Variants in GATB observed in about 807,000 individuals in gnomAD.
GATB encodes glutamyl-tRNA amidotransferase subunit B.
GATB carries 39 observed loss-of-function variants against 62.3 expected under a neutral mutation model. The ratio of observed to expected loss-of-function variants is 0.63; its 90% CI spans 0.48 to 0.82. GATB has a LOEUF of 0.82. Ranked by LOEUF, GATB falls within the 40% of genes least tolerant of loss-of-function variation. The pLI is 0.00. For missense variants in GATB, 670 were observed against 684.0 expected, an observed-to-expected ratio of 0.98 and a Z score of 0.23; for synonymous variants, 276 against 258.9, an observed-to-expected ratio of 1.07 and a Z score of -0.63.
At chr4:151,716,309 A>G in intron 4 of GATB, 178 bp from the exon 5 acceptor site, 2 of 614,756 alleles carry the variant, frequency 3.3e-6, no homozygotes, top group Non-Finnish European at 5.1e-6. Context: ...AAGAGGCGTC[A>G]TCTTGCTCTG....
chr4:151,698,081 C>G (rs963642778), intron 9 of GATB, among the ~76,000 whole-genome samples: 1 of 150,196 alleles, frequency 6.7e-6, no homozygotes, highest in Admixed American at 6.6e-5. Flanking sequence ...CCCCATGATT[C>G]TCTGGGTTGT....
At chr4:151,705,714 A>G (rs1738702197) in intron 6 of GATB, among the ~76,000 whole-genome samples, 1 of 152,192 alleles carries the variant, frequency 6.6e-6, no homozygotes, top group Admixed American at 6.5e-5. Flanking sequence ...CAGCATTTAC[A>G]TTATCTTTTC....
intron 2 of GATB, among the ~76,000 whole-genome samples, chr4:151,739,506 A>G (rs1182240674): frequency 6.6e-6 from 1 of 152,170 alleles, no homozygotes; most frequent in Non-Finnish European, 1.5e-5. Flanking sequence ...TCTCCCCACA[A>G]TGTTACATGT....
At chr4:151,738,370 C>T (rs540622468) in intron 2 of GATB, among the ~76,000 whole-genome samples, 19 of 152,294 alleles carry the variant, frequency 1.2e-4, no homozygotes, top group African/African-American at 4.3e-4. Flanking sequence ...GTAAGTCTCA[C>T]GAGATCTGAT....
At chr4:151,697,156 T>A (rs1738485645) in intron 9 of GATB, among the ~76,000 whole-genome samples, 1 of 152,086 alleles carries the variant, frequency 6.6e-6, no homozygotes, top group African/African-American at 2.4e-5. Context: ...AAATAAATCA[T>A]CATTTAAAAA....
At chr4:151,679,998 A>T in intron 10 of GATB, 107 bp from the exon 11 acceptor site, 1 of 879,492 alleles carries the variant, frequency 1.1e-6, no homozygotes, top group South Asian at 1.4e-5. Context: ...TAAATATCGG[A>T]CCCACGCCTA....
At chr4:151,705,127 C>A (rs1433598783) in intron 7 of GATB, 58 bp downstream of exon 7, 1 of 1,210,624 alleles carries the variant, frequency 8.3e-7, no homozygotes, top group African/African-American at 1.5e-5. Context: ...AGTGGCTGAG[C>A]CCAGCCCTCT....
rs1185814817 is a variant in GATB, at chr4:151,730,869, T to C, written c.328-11331A>G. Among the ~76,000 whole-genome samples the C allele has an allele frequency of 1.3e-5, 2 of 152,156 alleles. No homozygotes were observed. Among genetic ancestry groups the C allele is most frequent in the Non-Finnish European group, 2.9e-5 (2 of 68,036 alleles). On this transcript the variant is annotated intron_variant, in intron 2 of 12. Transcript: ENST00000263985. The surrounding 1 kb of genome is among the most constrained non-coding windows in gnomAD (Gnocchi z 4.1). ...CTGGTAATATGACAAAACAAGGCTT[T>C]TCAACACTCCCCCAAAATCACACTA...
chr4:151,681,138 A>T (rs1208004569), intron 10 of GATB, among the ~76,000 whole-genome samples: 3 of 152,244 alleles, frequency 2.0e-5, no homozygotes, highest in African/African-American at 2.4e-5. Context: ...AAAGGAAACT[A>T]CAGCTTAGTC....
At chr4:151,703,802 C>A (rs569053952) in intron 8 of GATB, 49 bp downstream of exon 8, 1 of 1,251,186 alleles carries the variant, frequency 8.0e-7, no homozygotes, top group Non-Finnish European at 1.2e-6. Context: ...ACTTGAAATA[C>A]GCCCCAGCCC....
intron 5 of GATB, among the ~76,000 whole-genome samples, chr4:151,712,005 T>C (rs369341701): frequency 1.3e-5 from 2 of 152,170 alleles, no homozygotes; most frequent in African/African-American, 2.4e-5. Flanking sequence ...TCGAACCAAA[T>C]TGCAATACTT....
At chr4:151,760,770 C>A in intron 1 of GATB, 37 bp downstream of exon 1, 1 of 1,518,826 alleles carries the variant, frequency 6.6e-7, no homozygotes, top group Non-Finnish European at 8.9e-7. Context: ...AGTTCCACCT[C>A]ACAGTTAGGT....
intron 2 of GATB, among the ~76,000 whole-genome samples, chr4:151,755,102 A>G (rs1739801292): frequency 6.6e-6 from 1 of 152,198 alleles, no homozygotes; most frequent in Non-Finnish European, 1.5e-5. Flanking sequence ...TTATCTGTTA[A>G]TTAATAAGAG....
In GATB at chr4:151,679,872, G is replaced by T. The variant is rs375643617; in HGVS notation, c.1351C>A (p.Leu451Ile). 5 of 1,614,132 alleles carry T rather than the reference G, an allele frequency of 3.1e-6. No individual in the cohort carries two copies. In the East Asian group the frequency reaches 1.1e-4, roughly 36 times the overall value. ...VSESPVTPSALAELLDLLDSR... is the reference protein window; with the variant it reads ...VSESPVTPSAIAELLDLLDSR... ...TCCAGCAGGTCAAGAAGCTCAGCGA[G>T]TGCAGAGGGTGTGACAGGACTGGTG... Residue 451 changes from leucine (L) to isoleucine (I), a missense_variant, in exon 11 of 13, where the codon CTC (leucine) becomes ATC (isoleucine). Coordinates refer to ENST00000263985, the MANE Select transcript of GATB (RefSeq NM_004564.3).
At chr4:151,732,714 T>TAAA (rs371222321) in intron 2 of GATB, among the ~76,000 whole-genome samples, 3 of 66,356 alleles carry the variant, frequency 4.5e-5, no homozygotes, top group Non-Finnish European at 3.3e-5. Context: ...GAATGATCAA[T>TAAA]AAAAAAAAAA....
chr4:151,747,971 T>G (rs991948160), intron 2 of GATB, among the ~76,000 whole-genome samples: 1 of 152,100 alleles, frequency 6.6e-6, no homozygotes, highest in Non-Finnish European at 1.5e-5. Flanking sequence ...GTGAAGGACC[T>G]CTTCAAGGAG....
chr4:151,678,000 A>G (rs1738044395), intron 11 of GATB: 1 of 152,186 alleles, frequency 6.6e-6, no homozygotes, highest in Admixed American at 6.5e-5. Context: ...AAGGTGGTAG[A>G]ACCTGAGAAT....
chr4:151,731,793 T>C (rs2126986505), intron 2 of GATB, among the ~76,000 whole-genome samples: 1 of 150,148 alleles, frequency 6.7e-6, no homozygotes, highest in African/African-American at 2.5e-5. Flanking sequence ...GAGGAGCGTC[T>C]CTGCCCGGCC....
intron 10 of GATB, among the ~76,000 whole-genome samples, chr4:151,685,398 G>C (rs1176682194): frequency 1.3e-5 from 2 of 152,142 alleles, no homozygotes; most frequent in Non-Finnish European, 2.9e-5. Flanking sequence ...CTGCAGAGTG[G>C]GGCTCTGCAC....
Sources: gnomAD v4.1 joint callset for allele counts (sites outside exome capture counted in the v4.1 genomes callset) on GRCh38, gnomAD v4.1.1 for gene constraint, Gnocchi (gnomAD v3.1) non-coding constraint, MANE v1.5 for transcripts, NCBI Gene and HGNC (gene_info 2026-07-23, HGNC 2026-07-21) for gene names.